The following CSMD1 variants were observed in gnomAD, a reference collection of about 807,000 sequenced individuals.
CSMD1 encodes the protein CUB and Sushi multiple domains 1.
In CSMD1, 213 loss-of-function variants were observed where a neutral mutation model predicts 417.5. The ratio of observed to expected loss-of-function variants is 0.51; its 90% CI spans 0.46 to 0.57. The LOEUF (loss-of-function observed/expected upper bound fraction) is 0.57. CSMD1 is among the 20% of genes least tolerant of loss of function. CSMD1 has a pLI of 0.00. For missense variants in CSMD1, 6,923 were observed against 4,529.7 expected (o/e 1.53, Z -15.17); for synonymous variants, 2,862 against 1,736.8 (o/e 1.65, Z -16.11).
intron 3 of CSMD1, among the ~76,000 whole-genome samples, chr8:4,226,361 A>G (rs536674408): frequency 7.9e-5 from 12 of 152,338 alleles, no homozygotes; most frequent in African/African-American, 2.4e-4. Context: ...TATCTGACAT[A>G]CCATTTTGCA....
intron 1 of CSMD1, among the ~76,000 whole-genome samples, chr8:4,776,615 C>A (rs992139188): frequency 6.6e-6 from 1 of 152,150 alleles, no homozygotes; most frequent in South Asian, 2.1e-4. Flanking sequence ...CCTCCAGGTA[C>A]TATCACATAG....
At chr8:4,613,998 T>C (rs1006721261) in intron 2 of CSMD1, among the ~76,000 whole-genome samples, 1 of 152,148 alleles carries the variant, frequency 6.6e-6, no homozygotes, top group African/African-American at 2.4e-5. Flanking sequence ...ATTTTACATG[T>C]CCTAATAAAA....
intron 24 of CSMD1, 143 bp from the exon 25 acceptor site, chr8:3,307,964 T>G: frequency 1.1e-6 from 1 of 929,482 alleles, no homozygotes; most frequent in South Asian, 1.9e-5. Flanking sequence ...TCCTGACCGT[T>G]TCAATATTTC....
chr8:4,611,364 G>A (rs576342002), intron 2 of CSMD1, among the ~76,000 whole-genome samples: 147 of 152,168 alleles, frequency 9.7e-4, no homozygotes, highest in African/African-American at 3.5e-3. Context: ...TCCGATGCTG[G>A]GTCTAACTCA....
At position 4,806,914 on chromosome 8, in the gene CSMD1, G is replaced by C. The variant is rs542177054; in HGVS notation, c.86-169356C>G. On this transcript the variant is annotated intron_variant, in intron 1 of 69. Transcript: ENST00000635120. ...CCTAGGAGTTGAATGAGCAAGTACA[G>C]ATGCATGCCTGCGCTCTTAAGCTAT... Among the ~76,000 whole-genome samples the C allele has an allele frequency of 2.6e-5, 4 of 152,286 alleles. No homozygotes were observed. In the South Asian group the frequency reaches 8.3e-4, roughly 32 times the overall value.
chr8:4,468,377 G>A (rs879516186), intron 2 of CSMD1, among the ~76,000 whole-genome samples: 1 of 152,174 alleles, frequency 6.6e-6, no homozygotes, highest in African/African-American at 2.4e-5. Flanking sequence ...TTAATAAAGA[G>A]GATAATATTT....
chr8:3,613,720 C>CACAA (rs1802002138), intron 8 of CSMD1, among the ~76,000 whole-genome samples: 1 of 113,172 alleles, frequency 8.8e-6, no homozygotes, highest in Non-Finnish European at 2.0e-5. Flanking sequence ...CACACACACA[C>CACAA]ACACACACAC....
chr8:4,641,018 T>C (rs564741471), intron 1 of CSMD1, among the ~76,000 whole-genome samples: 2 of 151,844 alleles, frequency 1.3e-5, no homozygotes, highest in South Asian at 4.2e-4. Flanking sequence ...ATACTGAAGT[T>C]TGATTTCAAT....
chr8:3,308,105 G>C (rs1805028531), intron 24 of CSMD1, among the ~76,000 whole-genome samples: 1 of 151,830 alleles, frequency 6.6e-6, no homozygotes, highest in South Asian at 2.1e-4. Context: ...TGTACCTATA[G>C]TCTCCATAAC....
chr8:3,510,707 G>A (rs994632958), intron 10 of CSMD1, among the ~76,000 whole-genome samples: 2 of 151,596 alleles, frequency 1.3e-5, no homozygotes, highest in African/African-American at 4.9e-5. Context: ...CATTCTAACT[G>A]GTGTGAGATG....
intron 1 of CSMD1, among the ~76,000 whole-genome samples, chr8:4,822,372 T>C (rs1799571834): frequency 6.6e-6 from 1 of 152,150 alleles, no homozygotes. Context: ...TGTTCATTGC[T>C]TTATTTGACC....
intron 17 of CSMD1, among the ~76,000 whole-genome samples, chr8:3,389,754 A>G (rs943709842): frequency 6.6e-6 from 1 of 152,232 alleles, no homozygotes; most frequent in Non-Finnish European, 1.5e-5. Flanking sequence ...CGGTAGAAAT[A>G]AAAACATCGA....
intron 5 of CSMD1, among the ~76,000 whole-genome samples, chr8:3,892,906 G>A (rs970769027): frequency 3.3e-5 from 5 of 151,656 alleles, no homozygotes; most frequent in African/African-American, 4.8e-5. Context: ...GATGTGGACA[G>A]AGCAAGAGGC....
intron 12 of CSMD1, among the ~76,000 whole-genome samples, chr8:3,422,703 T>C (rs887072438): frequency 3.9e-5 from 6 of 152,244 alleles, no homozygotes; most frequent in African/African-American, 7.2e-5. Context: ...GTATTTTTCA[T>C]CGTCTTAGTC....
chr8:3,209,330 T>C (rs1316512616), intron 30 of CSMD1, among the ~76,000 whole-genome samples: 1 of 152,064 alleles, frequency 6.6e-6, no homozygotes, highest in Non-Finnish European at 1.5e-5. Flanking sequence ...TATTTATTTA[T>C]TTTTGAGACA....
At chr8:3,486,166 G>A (rs961160446) in intron 11 of CSMD1, among the ~76,000 whole-genome samples, 3 of 152,142 alleles carry the variant, frequency 2.0e-5, no homozygotes, top group Middle Eastern at 3.2e-3. Context: ...ATTTGATTCT[G>A]AACATGGCAG....
intron 1 of CSMD1, among the ~76,000 whole-genome samples, chr8:4,697,522 G>A (rs971424662): frequency 2.0e-5 from 3 of 152,130 alleles, no homozygotes; most frequent in East Asian, 1.9e-4. Flanking sequence ...TCTATGTCCT[G>A]TATTGTTTAC....
intron 5 of CSMD1, among the ~76,000 whole-genome samples, chr8:3,907,823 T>C (rs1396513024): frequency 6.6e-6 from 1 of 152,212 alleles, no homozygotes; most frequent in Non-Finnish European, 1.5e-5. Context: ...ATCTCTTCCG[T>C]AGTTCTTCTC....
chr8:4,774,187 G>A (rs1165022467), intron 1 of CSMD1, among the ~76,000 whole-genome samples: 2 of 152,108 alleles, frequency 1.3e-5, no homozygotes, highest in African/African-American at 2.4e-5. Flanking sequence ...GTGACAGAGC[G>A]AGGCTGTCTC....
Sources: allele counts gnomAD v4.1 joint callset (sites outside exome capture counted in the v4.1 genomes callset), GRCh38; gene constraint gnomAD v4.1.1; transcripts MANE v1.5; gene names NCBI Gene and HGNC (gene_info 2026-07-23, HGNC 2026-07-21).